Variants in ARID4B observed in about 807,000 individuals in gnomAD.
ARID4B encodes AT-rich interactive domain-containing protein 4B.
Under a neutral mutation model 147.5 loss-of-function variants are expected in ARID4B, and 26 were observed. That is an observed-to-expected ratio of 0.18 (90% CI 0.13 to 0.24). ARID4B has a LOEUF of 0.24. Ranked by LOEUF, ARID4B falls within the 10% of genes least tolerant of loss-of-function variation. ARID4B has a pLI of 1.00. For missense variants in ARID4B, 1,179 were observed against 1,511.5 expected (o/e 0.78, Z 3.65); for synonymous variants, 512 against 507.9 (o/e 1.01, Z -0.11).
At chr1:235,302,293 A>AAGGC (rs1313409106) in intron 2 of ARID4B, among the ~76,000 whole-genome samples, 1 of 134,422 alleles carries the variant, frequency 7.4e-6, no homozygotes, top group African/African-American at 2.7e-5. Flanking sequence ...GGAAGGAAGG[A>AAGGC]AGGAAAAAGG....
chr1:235,295,700 C>T (rs1202382250), intron 2 of ARID4B, among the ~76,000 whole-genome samples: 3 of 151,720 alleles, frequency 2.0e-5, no homozygotes, highest in Admixed American at 6.6e-5. Flanking sequence ...ATCCCAGCTA[C>T]TCGGGAGGCT....
chr1:235,295,000 TTAAAA>T (rs1442038243), intron 2 of ARID4B, among the ~76,000 whole-genome samples: 1 of 151,168 alleles, frequency 6.6e-6, no homozygotes, highest in Non-Finnish European at 1.5e-5. Context: ...TAATATTTAT[TTAAAA>T]TATTATTTTT....
intron 23 of ARID4B, among the ~76,000 whole-genome samples, chr1:235,172,089 A>G (rs1046775628): frequency 6.6e-6 from 1 of 152,180 alleles, no homozygotes; most frequent in Admixed American, 6.5e-5. Context: ...AAATTATCTT[A>G]TTAGGATGTT....
chr1:235,308,158 G>A (rs1415800819), intron 2 of ARID4B, among the ~76,000 whole-genome samples: 1 of 139,970 alleles, frequency 7.1e-6, no homozygotes, highest in East Asian at 2.1e-4. Context: ...AGAGTGCAGT[G>A]ACCTGATCTC....
intron 11 of ARID4B, among the ~76,000 whole-genome samples, chr1:235,226,388 TCTTGCTCTGTCGC>T: frequency 6.6e-6 from 1 of 152,246 alleles, no homozygotes; most frequent in East Asian, 1.9e-4. Context: ...TGAGACAGAG[TCTTGCTCTGTCGC>T]CCAGGCTGGA....
chr1:235,277,260 G>A (rs1364443240), intron 2 of ARID4B, among the ~76,000 whole-genome samples: 1 of 151,676 alleles, frequency 6.6e-6, no homozygotes, highest in Non-Finnish European at 1.5e-5. Context: ...ATTTAAAAAA[G>A]ATTTTAGAGG....
intron 8 of ARID4B, among the ~76,000 whole-genome samples, chr1:235,235,020 G>A (rs561125072): frequency 7.9e-4 from 121 of 152,308 alleles, no homozygotes; most frequent in African/African-American, 2.9e-3. Flanking sequence ...AAGAAACTAA[G>A]CTACTGTGAT....
intron 2 of ARID4B, among the ~76,000 whole-genome samples, chr1:235,266,043 G>C (rs564659631): frequency 6.6e-6 from 1 of 152,218 alleles, no homozygotes; most frequent in Admixed American, 6.5e-5. Context: ...TATATACGTG[G>C]GGAAGAGGGG....
chr1:235,258,934 C>A (rs535807463), intron 3 of ARID4B, among the ~76,000 whole-genome samples: 1 of 152,122 alleles, frequency 6.6e-6, no homozygotes, highest in Non-Finnish European at 1.5e-5. Context: ...AACATATCAA[C>A]AAATTTGTTA....
chr1:235,172,130 A>G (rs1465685794), intron 23 of ARID4B, among the ~76,000 whole-genome samples: 4 of 152,224 alleles, frequency 2.6e-5, no homozygotes, highest in Admixed American at 6.5e-5. Context: ...ATGAAAGTGA[A>G]TATTATGATC....
intron 5 of ARID4B, 69 bp from the exon 6 acceptor site, chr1:235,252,878 AC>A: frequency 7.6e-7 from 1 of 1,322,238 alleles, no homozygotes; most frequent in South Asian, 1.3e-5. Context: ...GACATGTATT[AC>A]AATTTTCTGA....
chr1:235,237,509 T>C (rs886212585), intron 8 of ARID4B, among the ~76,000 whole-genome samples: 2 of 152,204 alleles, frequency 1.3e-5, no homozygotes, highest in Non-Finnish European at 2.9e-5. Context: ...ATTTACTGCA[T>C]ATTTAATTTG....
At chr1:235,255,264 T>TAGATAGATAGATAG (rs377530004) in intron 5 of ARID4B, among the ~76,000 whole-genome samples, 20 of 110,040 alleles carry the variant, frequency 1.8e-4, no homozygotes, top group East Asian at 8.1e-4. Flanking sequence ...GATAGATAGA[T>TAGATAGATAGATAG]ATATATCTCT....
intron 5 of ARID4B, among the ~76,000 whole-genome samples, chr1:235,254,260 G>C (rs1473679744): frequency 6.6e-6 from 1 of 151,996 alleles, no homozygotes; most frequent in Non-Finnish European, 1.5e-5. Flanking sequence ...CTATCTGAAA[G>C]TTCTATCAAA....
chr1:235,272,070 A>C (rs1271212762), intron 2 of ARID4B, among the ~76,000 whole-genome samples: 1 of 152,190 alleles, frequency 6.6e-6, no homozygotes, highest in Non-Finnish European at 1.5e-5. Context: ...TCAATCTTTA[A>C]TCACTTGAAA....
At position 235,167,048 on chromosome 1, in the gene ARID4B, T is replaced by C. The variant is rs1369006064; in HGVS notation, c.*1477A>G. Reference sequence around the variant, plus strand: ...TCTTCAACATTTTGCTGTCAACAAATCTTTACAGTCCTGTACAAATTTGAA... The same window carrying C: ...TCTTCAACATTTTGCTGTCAACAAACCTTTACAGTCCTGTACAAATTTGAA... On this transcript the variant is annotated 3_prime_UTR_variant, in exon 24 of 24. Coordinates refer to ENST00000264183, the MANE Select transcript of ARID4B (RefSeq NM_016374.6). 3 of 183,400 alleles carry C rather than the reference T, an allele frequency of 1.6e-5. No homozygotes were observed. In the East Asian group the frequency reaches 2.7e-4, roughly 16 times the overall value. 11.4% of individuals were successfully genotyped at this position (183,400 alleles called of 1,614,324 possible). A position where few individuals can be genotyped will look rare whatever the true frequency, so the allele number is the denominator to read the frequency against.
intron 16 of ARID4B, among the ~76,000 whole-genome samples, chr1:235,214,353 TA>T (rs989169709): frequency 1.3e-5 from 2 of 152,176 alleles, no homozygotes; most frequent in African/African-American, 4.8e-5. Context: ...GTTTTATTAA[TA>T]AAAGTGTTTT....
chr1:235,267,035 T>C (rs919840007), intron 2 of ARID4B, among the ~76,000 whole-genome samples: 5 of 152,242 alleles, frequency 3.3e-5, no homozygotes, highest in Non-Finnish European at 5.9e-5. Flanking sequence ...CCCAGCACTT[T>C]GGGAGCCCGA....
rs1283341972 is a variant in ARID4B at position 235,244,455 on chromosome 1, T to C, written c.446+1965A>G. On this transcript the variant is annotated intron_variant, in intron 7 of 23. Transcript: ENST00000264183. ...GGAGAAAATTCAATCCAGTAATACA[T>C]TGATTAAAAGAATCAATAACTTGCT... is the stretch of plus-strand genomic sequence containing the variant. Among the ~76,000 whole-genome samples, 5 of 152,084 alleles carry C rather than the reference T, an allele frequency of 3.3e-5. 1 individual carries two copies. Among genetic ancestry groups the C allele is most frequent in the South Asian group, 4.1e-4 (2 of 4,830 alleles).
Sources: gnomAD v4.1 joint callset for allele counts (sites outside exome capture counted in the v4.1 genomes callset) on GRCh38, gnomAD v4.1.1 for gene constraint, MANE v1.5 for transcripts, NCBI Gene and HGNC (gene_info 2026-07-23, HGNC 2026-07-21) for gene names.